Variants in C10orf90 observed in about 807,000 individuals in gnomAD.
C10orf90 encodes the protein chromosome 10 open reading frame 90.
Under a neutral mutation model 62.5 loss-of-function variants are expected in C10orf90, and 56 were observed. The ratio of observed to expected loss-of-function variants is 0.90; its 90% confidence interval spans 0.72 to 1.12. C10orf90 has a LOEUF of 1.12. Ranked by LOEUF, C10orf90 falls within the 50% of genes most tolerant of loss-of-function variation. C10orf90 has a pLI of 0.00. For missense variants in C10orf90, 970 were observed against 880.4 expected (o/e 1.10, Z -1.29); for synonymous variants, 386 against 340.4 (o/e 1.13, Z -1.47).
At chr10:126,565,179 G>A (rs1844324822) in intron 2 of C10orf90, among the ~76,000 whole-genome samples, 1 of 63,094 alleles carries the variant, frequency 1.6e-5, no homozygotes, top group African/African-American at 5.9e-5. Flanking sequence ...TACATATTAT[G>A]TAATATAATA....
At chr10:126,513,088 A>G (rs1863229726) in intron 3 of C10orf90, among the ~76,000 whole-genome samples, 1 of 152,246 alleles carries the variant, frequency 6.6e-6, no homozygotes, top group South Asian at 2.1e-4. Context: ...TGTGACAGAT[A>G]GCAGATGCCT....
At chr10:126,455,733 C>T (rs1859514978) in intron 7 of C10orf90, among the ~76,000 whole-genome samples, 1 of 152,164 alleles carries the variant, frequency 6.6e-6, no homozygotes, top group African/African-American at 2.4e-5. Flanking sequence ...ACTTCCTGGT[C>T]CCTCTAGAGT....
intron 4 of C10orf90, among the ~76,000 whole-genome samples, chr10:126,500,572 A>C (rs1292302497): frequency 1.3e-5 from 2 of 152,172 alleles, no homozygotes; most frequent in Non-Finnish European, 2.9e-5. Context: ...TTTTTATGAT[A>C]GATTCGAAGA....
At chr10:126,644,092 T>C (rs1308241604) in intron 2 of C10orf90, among the ~76,000 whole-genome samples, 12 of 152,226 alleles carry the variant, frequency 7.9e-5, no homozygotes, top group Non-Finnish European at 1.5e-4. Context: ...GAGCCCACGA[T>C]TGGAGAGAAT....
chr10:126,670,589 G>A lies in C10orf90; in HGVS notation c.-109C>T, dbSNP rs1325224537. ...AGGGACTTGGGCAGTGCCCCAGCTC[G>A]GACCTGTCCCAGTGTTTTCCAACTC... On this transcript the variant is annotated 5_prime_UTR_variant, in exon 1 of 10. Coordinates refer to ENST00000488181, the MANE Select transcript of C10orf90 (RefSeq NM_001350921.2). 1.6e-5 allele frequency: 6 copies of A among 385,860 alleles called. No homozygotes were observed. Among genetic ancestry groups the A allele is most frequent in the Admixed American group, 1.5e-4 (5 of 34,038 alleles). The allele number at this position is 385,860 out of a possible 1,614,324, so 23.9% of individuals were successfully genotyped here. A position where few individuals can be genotyped will look rare whatever the true frequency, so the allele number is the denominator to read the frequency against.
At chr10:126,462,744 TACA>T (rs938841512) in intron 5 of C10orf90, among the ~76,000 whole-genome samples, 3 of 152,120 alleles carry the variant, frequency 2.0e-5, no homozygotes, top group African/African-American at 7.2e-5. Context: ...TTACAACGAC[TACA>T]ACAACTACAA....
At chr10:126,513,090 C>T (rs1591048804) in intron 3 of C10orf90, among the ~76,000 whole-genome samples, 2 of 152,188 alleles carry the variant, frequency 1.3e-5, no homozygotes, top group East Asian at 3.8e-4. Flanking sequence ...TGACAGATAG[C>T]AGATGCCTTG....
chr10:126,516,556 C>A lies in C10orf90; in HGVS notation c.314-2617G>T, dbSNP rs151099988. Among the ~76,000 whole-genome samples, 37 of 152,330 alleles carry A rather than the reference C, an allele frequency of 2.4e-4. No individual in the cohort carries two copies. The East Asian group carries it at 6.4e-3, about 26-fold the overall frequency. On this transcript the variant is annotated intron_variant, in intron 2 of 9. Coordinates refer to ENST00000488181, the MANE Select transcript of C10orf90 (RefSeq NM_001350921.2). Reference sequence around the variant, plus strand: ...TACTGAAAGAAATTAAATGACATAACCAGCCCTTAGTGCAATGCTCAGAAC... The same window carrying A: ...TACTGAAAGAAATTAAATGACATAAACAGCCCTTAGTGCAATGCTCAGAAC...
At chr10:126,605,153 C>G (rs1327310774) in intron 2 of C10orf90, among the ~76,000 whole-genome samples, 1 of 152,198 alleles carries the variant, frequency 6.6e-6, no homozygotes, top group Non-Finnish European at 1.5e-5. Flanking sequence ...TGAAAAATGG[C>G]TTCATATTTA....
At chr10:126,455,482 C>G (rs1393468849) in intron 7 of C10orf90, among the ~76,000 whole-genome samples, 1 of 152,200 alleles carries the variant, frequency 6.6e-6, no homozygotes, top group Non-Finnish European at 1.5e-5. Context: ...GCCTGCTTCC[C>G]CACAAGGTGG....
chr10:126,506,583 A>G (rs1028482893), intron 3 of C10orf90, among the ~76,000 whole-genome samples: 21 of 152,202 alleles, frequency 1.4e-4, no homozygotes, highest in African/African-American at 4.8e-4. Context: ...AGTTCCCCAG[A>G]CCCCAGAGAT....
intron 2 of C10orf90, among the ~76,000 whole-genome samples, chr10:126,643,501 C>T (rs1418633612): frequency 6.6e-6 from 1 of 152,202 alleles, no homozygotes; most frequent in East Asian, 1.9e-4. Context: ...GCTCATCACC[C>T]CCAGGATTGG....
intron 2 of C10orf90, among the ~76,000 whole-genome samples, chr10:126,533,629 T>C (rs993558029): frequency 6.6e-6 from 1 of 152,196 alleles, no homozygotes; most frequent in Non-Finnish European, 1.5e-5. Flanking sequence ...GAGTCCTCAT[T>C]GCCTAATTCT....
At chr10:126,627,962 C>T (rs117500689) in intron 2 of C10orf90, among the ~76,000 whole-genome samples, 2,675 of 152,218 alleles carry the variant, frequency 0.018, 23 homozygotes, top group Middle Eastern at 0.044. Flanking sequence ...CAGTTTTCTC[C>T]GAATATGAGA....
chr10:126,458,984 C>A, intron 7 of C10orf90, 56 bp downstream of exon 7: 2 of 1,554,476 alleles, frequency 1.3e-6, no homozygotes, highest in Admixed American at 4.0e-5. Context: ...GCCTCCAGCT[C>A]CAGGAACCCC....
chr10:126,430,806 C>T (rs1456434657), intron 7 of C10orf90, among the ~76,000 whole-genome samples: 2 of 152,176 alleles, frequency 1.3e-5, no homozygotes, highest in African/African-American at 4.8e-5. Context: ...CTATTCATCT[C>T]CTCCAACCCA....
chr10:126,523,822 C>A (rs1323360750), intron 2 of C10orf90, among the ~76,000 whole-genome samples: 1 of 151,750 alleles, frequency 6.6e-6, no homozygotes, highest in Admixed American at 6.6e-5. Flanking sequence ...CAAATGGAAT[C>A]ATACAGTATT....
intron 2 of C10orf90, among the ~76,000 whole-genome samples, chr10:126,581,839 C>G (rs1193636109): frequency 6.6e-6 from 1 of 152,226 alleles, no homozygotes; most frequent in Non-Finnish European, 1.5e-5. Flanking sequence ...ACCAGTCAGA[C>G]AGGCGCCTGT....
At chr10:126,644,571 C>T (rs1225471460) in intron 2 of C10orf90, among the ~76,000 whole-genome samples, 1 of 152,226 alleles carries the variant, frequency 6.6e-6, no homozygotes, top group East Asian at 1.9e-4. Context: ...AAGCCAAGAG[C>T]TCTGTCTCCC....
Sources: gnomAD v4.1 joint callset for allele counts (sites outside exome capture counted in the v4.1 genomes callset) on GRCh38, gnomAD v4.1.1 for gene constraint, MANE v1.5 for transcripts, NCBI Gene and HGNC (gene_info 2026-07-23, HGNC 2026-07-21) for gene names.